The following LRRC4C variants were observed in gnomAD, a reference collection of about 807,000 sequenced individuals.
The protein encoded by LRRC4C is leucine-rich repeat-containing protein 4C.
A neutral mutation model predicts 33.6 loss-of-function variants in LRRC4C; 5 were observed. That is an observed-to-expected ratio of 0.15 (90% CI 0.08 to 0.31). LRRC4C has a LOEUF of 0.31. Among genes scored for constraint, LRRC4C ranks in the 10% least tolerant of loss-of-function variants. The probability of loss-of-function intolerance (pLI) is 1.00; values close to 1 mark genes in which losing one functional copy is unlikely to be tolerated. For missense variants in LRRC4C, 560 were observed against 796.7 expected, an observed-to-expected ratio of 0.70 and a Z score of 3.58; for synonymous variants, 329 against 302.0, an observed-to-expected ratio of 1.09 and a Z score of -0.93.
At chr11:40,533,824 G>T (rs1350578233) in intron 3 of LRRC4C, among the ~76,000 whole-genome samples, 1 of 152,064 alleles carries the variant, frequency 6.6e-6, no homozygotes, top group Non-Finnish European at 1.5e-5. Context: ...GTGAATCCTG[G>T]TGTTTCCTCT....
chr11:40,826,889 C>T (rs1591819064), intron 2 of LRRC4C, among the ~76,000 whole-genome samples: 1 of 151,990 alleles, frequency 6.6e-6, no homozygotes, highest in East Asian at 1.9e-4. Context: ...CTTTGAAATT[C>T]TCTTTTACTA....
At chr11:40,963,840 T>A (rs1463629382) in intron 1 of LRRC4C, among the ~76,000 whole-genome samples, 1 of 151,822 alleles carries the variant, frequency 6.6e-6, no homozygotes, top group Non-Finnish European at 1.5e-5. Context: ...TATTTAGACA[T>A]ATGCAGGTTC....
At chr11:41,188,516 T>G (rs376255077) in intron 1 of LRRC4C, among the ~76,000 whole-genome samples, 4 of 151,920 alleles carry the variant, frequency 2.6e-5, no homozygotes, top group African/African-American at 9.7e-5. Flanking sequence ...AAGTAATAGA[T>G]CTATGTACAA....
chr11:40,271,350 G>A (rs1358673400), intron 4 of LRRC4C, among the ~76,000 whole-genome samples: 2 of 152,152 alleles, frequency 1.3e-5, no homozygotes, highest in Non-Finnish European at 2.9e-5. Flanking sequence ...TTAGGAAAGA[G>A]AGTGTTGGAA....
chr11:41,172,096 T>C (rs557866610), intron 1 of LRRC4C, among the ~76,000 whole-genome samples: 1 of 152,210 alleles, frequency 6.6e-6, no homozygotes, highest in South Asian at 2.1e-4. Flanking sequence ...ATGACTCAAA[T>C]TAGCCTAGAG....
At chr11:41,122,973 G>T (rs998207916) in intron 1 of LRRC4C, 1 of 152,022 alleles carries the variant, frequency 6.6e-6, no homozygotes, top group Non-Finnish European at 1.5e-5. Flanking sequence ...AGTCTTCTCC[G>T]TATTGTTCCA....
At chr11:40,454,894 T>G (rs1300606962) in intron 3 of LRRC4C, among the ~76,000 whole-genome samples, 3 of 152,248 alleles carry the variant, frequency 2.0e-5, no homozygotes, top group South Asian at 2.1e-4. Context: ...TTATCAGTAA[T>G]AAAGCTTACA....
intron 1 of LRRC4C, among the ~76,000 whole-genome samples, chr11:41,227,728 A>G (rs550035158): frequency 1.3e-5 from 2 of 152,160 alleles, no homozygotes; most frequent in Non-Finnish European, 2.9e-5. Flanking sequence ...ATTGAAGTCC[A>G]CTTTGCATTC....
intron 4 of LRRC4C, among the ~76,000 whole-genome samples, chr11:40,289,662 T>A (rs1034050909): frequency 1.3e-5 from 2 of 152,092 alleles, no homozygotes; most frequent in African/African-American, 2.4e-5. Flanking sequence ...ACCAATCAGT[T>A]TAAAACAAAT....
intron 1 of LRRC4C, among the ~76,000 whole-genome samples, chr11:41,323,707 G>A (rs768366365): frequency 4.6e-5 from 7 of 152,108 alleles, no homozygotes; most frequent in African/African-American, 9.7e-5. Context: ...ACTGAAGCCC[G>A]TCTTACATCT....
intron 3 of LRRC4C, among the ~76,000 whole-genome samples, chr11:40,376,340 T>C (rs1948657918): frequency 6.6e-6 from 1 of 152,118 alleles, no homozygotes; most frequent in Non-Finnish European, 1.5e-5. Flanking sequence ...AGCCATGTCT[T>C]ATAGATCTGA....
In LRRC4C at chr11:41,163,298, T is replaced by TTTTTTTTTTTC. The variant is rs1456325870; in HGVS notation, c.-495-229576_-495-229575insGAAAAAAAAAA. 1.1e-4 allele frequency among the ~76,000 whole-genome samples: 14 copies of TTTTTTTTTTTC among 133,032 alleles called. 1 individual carries two copies. The highest frequency in any genetic ancestry group is 1.8e-4 in the Non-Finnish European group (11 of 62,012). The allele number at this position is 133,032 out of a possible 152,430, so 87.3% of individuals were successfully genotyped here. A position where few individuals can be genotyped will look rare whatever the true frequency, so the allele number is the denominator to read the frequency against. ...TTACTGTAACTGTTTTTTTTTTTTTTTTTCAAACAGGGTCTTGCTCTGTCA... is the reference window on the plus strand; with the variant it reads ...TTACTGTAACTGTTTTTTTTTTTTTTTTTTTTTTTTCTTTCAAACAGGGTCTTGCTCTGTCA... On this transcript the variant is annotated intron_variant, in intron 1 of 6. Transcript: ENST00000528697.
At chr11:40,476,496 C>G (rs1953241237) in intron 3 of LRRC4C, among the ~76,000 whole-genome samples, 1 of 151,920 alleles carries the variant, frequency 6.6e-6, no homozygotes, top group South Asian at 2.1e-4. Context: ...CGGGCACATG[C>G]CACCATGTCT....
chr11:41,129,070 G>A (rs997774696), intron 1 of LRRC4C, among the ~76,000 whole-genome samples: 5 of 151,828 alleles, frequency 3.3e-5, no homozygotes, highest in Admixed American at 3.3e-4. Context: ...CTCTGAGGTG[G>A]GGGACCATTC....
chr11:40,816,227 G>T (rs889198814), intron 2 of LRRC4C, among the ~76,000 whole-genome samples: 4 of 152,214 alleles, frequency 2.6e-5, no homozygotes, highest in African/African-American at 9.7e-5. Flanking sequence ...GCCACTAGAG[G>T]TTATCAGGAG....
chr11:40,290,872 T>C (rs1178737398), intron 4 of LRRC4C, among the ~76,000 whole-genome samples: 1 of 152,142 alleles, frequency 6.6e-6, no homozygotes, highest in African/African-American at 2.4e-5. Context: ...TTTCAAGCTC[T>C]CAGGACCAAT....
intron 3 of LRRC4C, among the ~76,000 whole-genome samples, chr11:40,451,155 C>A (rs1170952884): frequency 1.3e-5 from 2 of 150,050 alleles, no homozygotes; most frequent in African/African-American, 4.9e-5. Flanking sequence ...TAAGCAGAAT[C>A]AGAAAATAAT....
At chr11:40,495,016 G>T (rs916053478) in intron 3 of LRRC4C, among the ~76,000 whole-genome samples, 2 of 152,170 alleles carry the variant, frequency 1.3e-5, no homozygotes, top group African/African-American at 4.8e-5. Flanking sequence ...GTTCAGCACA[G>T]TGCTAAGGAG....
At chr11:40,405,054 T>G (rs935622049) in intron 3 of LRRC4C, among the ~76,000 whole-genome samples, 1 of 152,002 alleles carries the variant, frequency 6.6e-6, no homozygotes, top group Non-Finnish European at 1.5e-5. Flanking sequence ...CCTACTTATT[T>G]GTTCCTTTTA....
Sources: allele counts gnomAD v4.1 joint callset (sites outside exome capture counted in the v4.1 genomes callset), GRCh38; gene constraint gnomAD v4.1.1; transcripts MANE v1.5; gene names NCBI Gene and HGNC (gene_info 2026-07-23, HGNC 2026-07-21).